The following SOX5 variants were observed in gnomAD, a reference collection of about 807,000 sequenced individuals.
SOX5 encodes transcription factor SOX-5.
SOX5 carries 9 observed loss-of-function variants against 92.0 expected under a neutral mutation model. The ratio of observed to expected loss-of-function variants is 0.10; its 90% CI spans 0.06 to 0.17. The LOEUF (loss-of-function observed/expected upper bound fraction) is 0.17, where lower values mean the gene tolerates loss of function less well. Ranked by LOEUF, SOX5 falls within the 10% of genes least tolerant of loss-of-function variation. The pLI is 1.00. For synonymous variants in SOX5, 344 were observed against 336.3 expected, an observed-to-expected ratio of 1.02 and a Z score of -0.25; for missense variants, 642 against 944.5, an observed-to-expected ratio of 0.68 and a Z score of 4.20.
At chr12:23,711,843 C>T (rs1175177405) in intron 6 of SOX5, among the ~76,000 whole-genome samples, 1 of 152,184 alleles carries the variant, frequency 6.6e-6, no homozygotes, top group Non-Finnish European at 1.5e-5. Context: ...ATTTCTGAAT[C>T]ATGATCATCA....
intron 6 of SOX5, among the ~76,000 whole-genome samples, chr12:23,692,329 C>T (rs532010335): frequency 1.0e-3 from 155 of 151,158 alleles, no homozygotes; most frequent in Non-Finnish European, 1.8e-3. Context: ...CCCAGCTACT[C>T]GGGAGGCTGA....
intron 3 of SOX5, among the ~76,000 whole-genome samples, chr12:24,274,710 T>C (rs1466530379): frequency 2.6e-5 from 4 of 151,764 alleles, no homozygotes; most frequent in Admixed American, 2.6e-4. Context: ...CTCCACAATA[T>C]TTTCTCACAT....
intron 2 of SOX5, among the ~76,000 whole-genome samples, chr12:24,310,541 A>G (rs1949068244): frequency 6.6e-6 from 1 of 152,208 alleles, no homozygotes; most frequent in African/African-American, 2.4e-5. Flanking sequence ...TACACATTTT[A>G]TACATGAGCC....
chr12:24,179,178 T>C (rs1458614530), intron 4 of SOX5, among the ~76,000 whole-genome samples: 1 of 152,190 alleles, frequency 6.6e-6, no homozygotes, highest in East Asian at 1.9e-4. Flanking sequence ...TGTAGAGCAC[T>C]CTTTAAATAT....
intron 4 of SOX5, among the ~76,000 whole-genome samples, chr12:23,989,613 C>A (rs1187979353): frequency 6.6e-6 from 1 of 152,038 alleles, no homozygotes; most frequent in African/African-American, 2.4e-5. Context: ...TTGAGAGGTA[C>A]TTAGAATTAG....
At chr12:23,846,598 T>C (rs925358027) in intron 2 of SOX5, among the ~76,000 whole-genome samples, 10 of 152,236 alleles carry the variant, frequency 6.6e-5, no homozygotes, top group African/African-American at 2.2e-4. Context: ...GGGTATTAAA[T>C]GTAGTGATCA....
chr12:23,811,482 C>G (rs759829321), intron 3 of SOX5, among the ~76,000 whole-genome samples: 2 of 152,016 alleles, frequency 1.3e-5, no homozygotes, highest in Non-Finnish European at 2.9e-5. Context: ...GATTAAGGCT[C>G]CTTGCTTCTT....
At chr12:24,546,515 G>A (rs536510117) in intron 1 of SOX5, among the ~76,000 whole-genome samples, 1 of 152,288 alleles carries the variant, frequency 6.6e-6, no homozygotes, top group South Asian at 2.1e-4. Flanking sequence ...CAAACTATCT[G>A]TAATTCCAAG....
chr12:23,656,144 G>A (rs925663675), intron 7 of SOX5, among the ~76,000 whole-genome samples: 3 of 151,520 alleles, frequency 2.0e-5, no homozygotes, highest in South Asian at 4.2e-4. Flanking sequence ...AATATGAAAC[G>A]GGACTGTGAC....
intron 4 of SOX5, among the ~76,000 whole-genome samples, chr12:24,121,834 C>T (rs192116617): frequency 6.8e-4 from 94 of 139,116 alleles, no homozygotes; most frequent in African/African-American, 2.4e-3. Context: ...TGCAGTGAGC[C>T]GAGATCGTGC....
At chr12:23,630,837 A>T (rs953918761) in intron 8 of SOX5, among the ~76,000 whole-genome samples, 2 of 152,042 alleles carry the variant, frequency 1.3e-5, no homozygotes, top group African/African-American at 4.8e-5. Context: ...CCATTATGTT[A>T]TACTGCCTCT....
At chr12:24,387,059 T>C (rs1007608398) in intron 1 of SOX5, among the ~76,000 whole-genome samples, 1 of 152,222 alleles carries the variant, frequency 6.6e-6, no homozygotes, top group Non-Finnish European at 1.5e-5. Flanking sequence ...ATGATTATAC[T>C]GGTATATATT....
chr12:23,769,832 T>TA (rs2141497180), intron 3 of SOX5, among the ~76,000 whole-genome samples: 1 of 152,264 alleles, frequency 6.6e-6, no homozygotes, highest in African/African-American at 2.4e-5. Flanking sequence ...TATGCCATGA[T>TA]ACTCACTACC....
At chr12:24,437,650 G>T (rs1324597050) in intron 1 of SOX5, among the ~76,000 whole-genome samples, 2 of 152,116 alleles carry the variant, frequency 1.3e-5, no homozygotes, top group African/African-American at 4.8e-5. Flanking sequence ...CTTCTCAAAA[G>T]AAGACATTTA....
chr12:24,021,255 G>A (rs905548443), intron 4 of SOX5, among the ~76,000 whole-genome samples: 2 of 152,146 alleles, frequency 1.3e-5, no homozygotes, highest in Non-Finnish European at 2.9e-5. Flanking sequence ...ATGAGATGGG[G>A]ACAGAGGTCT....
rs556698458 is a variant in SOX5 at position 24,011,659 on chromosome 12, G to A, written c.-1-115635C>T. On this transcript the variant is annotated intron_variant, in intron 4 of 4. Coordinates refer to the SOX5 transcript ENST00000446891. The stretch of plus-strand genomic sequence containing the variant: ...TGCCTACAACCTGATTCAGGCTTGA[G>A]TTGACTGGAGTTAAAATCACCTTAA... Among the ~76,000 whole-genome samples the A allele has an allele frequency of 2.0e-5, 3 of 152,224 alleles. No individual in the cohort carries two copies. The East Asian group carries it at 5.8e-4, about 29-fold the overall frequency.
chr12:24,505,852 T>TGC lies in SOX5; in HGVS notation c.-251+56475_-251+56476dup, dbSNP rs1555327765. On this transcript the variant is annotated intron_variant, in intron 1 of 4. Transcript: ENST00000446891. ...GTATGTGTGTGTGTGTGTGTGTGTG[T>TGC]GCGTGTGTGTGTGTGTGTGTGCGCA... Among the ~76,000 whole-genome samples the TGC allele has an allele frequency of 4.9e-3, 722 of 146,298 alleles. 6 individuals carry two copies. The highest frequency in any genetic ancestry group is 0.015 in the African/African-American group (614 of 39,616).
chr12:24,514,946 C>T (rs1453182625), intron 1 of SOX5, among the ~76,000 whole-genome samples: 1 of 152,138 alleles, frequency 6.6e-6, no homozygotes, highest in African/African-American at 2.4e-5. Context: ...CTAATGGGTA[C>T]TAGGCTTAAT....
At chr12:24,148,506 AGAG>A (rs1951313097) in intron 4 of SOX5, among the ~76,000 whole-genome samples, 3 of 33,754 alleles carry the variant, frequency 8.9e-5, no homozygotes, top group South Asian at 1.7e-3. Flanking sequence ...AAAAAAAAAG[AGAG>A]AGAGAGAGAG....
Sources: gnomAD v4.1 joint callset for allele counts (sites outside exome capture counted in the v4.1 genomes callset) on GRCh38, gnomAD v4.1.1 for gene constraint, MANE v1.5 for transcripts, NCBI Gene and HGNC (gene_info 2026-07-23, HGNC 2026-07-21) for gene names.